The following PHLDB2 variants were observed in gnomAD, a reference collection of about 807,000 sequenced individuals.
PHLDB2 encodes the protein pleckstrin homology like domain family B member 2.
Under a neutral mutation model 123.6 loss-of-function variants are expected in PHLDB2, and 71 were observed. The ratio of observed to expected loss-of-function variants is 0.57; its 90% confidence interval spans 0.47 to 0.70. The LOEUF (loss-of-function observed/expected upper bound fraction) is 0.70, where lower values mean the gene tolerates loss of function less well. Ranked by LOEUF, PHLDB2 falls within the 30% of genes least tolerant of loss-of-function variation. The pLI, the probability that PHLDB2 is intolerant of heterozygous loss-of-function variation, is 0.00. For missense variants in PHLDB2, 1,446 were observed against 1,519.5 expected (o/e 0.95, Z 0.80); for synonymous variants, 547 against 541.6 (o/e 1.01, Z -0.14).
intron 2 of PHLDB2, among the ~76,000 whole-genome samples, chr3:111,889,624 C>T (rs574652011): frequency 1.1e-4 from 17 of 152,108 alleles, no homozygotes; most frequent in Non-Finnish European, 2.4e-4. Flanking sequence ...ATTGATTGAG[C>T]TCAGGAGATT....
intron 1 of PHLDB2, among the ~76,000 whole-genome samples, chr3:111,843,989 A>G (rs775740121): frequency 6.6e-6 from 1 of 152,174 alleles, no homozygotes; most frequent in Non-Finnish European, 1.5e-5. Flanking sequence ...AAAATCCTCT[A>G]ATTGTAACCT....
At chr3:111,970,071 A>G (rs988192477) in intron 16 of PHLDB2, among the ~76,000 whole-genome samples, 162 bp downstream of exon 16, 3 of 152,232 alleles carry the variant, frequency 2.0e-5, no homozygotes, top group African/African-American at 7.2e-5. Flanking sequence ...TAGATTATAT[A>G]GTCCATATGA....
chr3:111,958,615 A>G (rs902006450), intron 12 of PHLDB2: 2 of 432,410 alleles, frequency 4.6e-6, no homozygotes, highest in Non-Finnish European at 9.2e-6. Context: ...TTGTGTGGCT[A>G]TGATTAGAAA....
intron 6 of PHLDB2, among the ~76,000 whole-genome samples, chr3:111,936,439 A>C (rs2069496222): frequency 6.6e-6 from 1 of 152,178 alleles, no homozygotes; most frequent in South Asian, 2.1e-4. Flanking sequence ...TCATACATAA[A>C]ATCTTGTAAA....
At chr3:111,918,190 G>T (rs561000373) in intron 3 of PHLDB2, among the ~76,000 whole-genome samples, 1 of 152,296 alleles carries the variant, frequency 6.6e-6, no homozygotes, top group Non-Finnish European at 1.5e-5. Context: ...GTCACATTTT[G>T]ACTGTGTGTG....
chr3:111,786,684 A>G (rs1340367097), intron 1 of PHLDB2, among the ~76,000 whole-genome samples: 1 of 152,166 alleles, frequency 6.6e-6, no homozygotes, highest in East Asian at 1.9e-4. Context: ...CCCAATGATA[A>G]GCAGTAGAAT....
intron 5 of PHLDB2, among the ~76,000 whole-genome samples, chr3:111,922,108 AATAGT>A (rs2068549147): frequency 6.6e-6 from 1 of 152,260 alleles, no homozygotes; most frequent in Non-Finnish European, 1.5e-5. Flanking sequence ...TAAATTAAGT[AATAGT>A]AGAGTAGTTT....
intron 1 of PHLDB2, among the ~76,000 whole-genome samples, chr3:111,840,331 C>A (rs1191644893): frequency 1.3e-5 from 2 of 152,054 alleles, no homozygotes; most frequent in Non-Finnish European, 2.9e-5. Context: ...TACAATTAAT[C>A]TTCTTATATC....
rs146685731 is a variant in PHLDB2, at chr3:111,923,193, C to T, written c.2001+2774C>T. On this transcript the variant is annotated intron_variant, in intron 5 of 17. Coordinates refer to ENST00000431670, the MANE Select transcript of PHLDB2 (RefSeq NM_001134438.2). ...TTGGCTTAGACCTCTACTCCTCCAT[C>T]AGATTCTCTCCTGTTAAGACTACTA... Among the ~76,000 whole-genome samples, 400 of 152,314 alleles carry T rather than the reference C, an allele frequency of 2.6e-3. 2 individuals are homozygous for T. Among genetic ancestry groups the T allele is most frequent in the African/African-American group, 9.5e-3 (394 of 41,570 alleles).
At chr3:111,850,594 C>G (rs2064206369) in intron 2 of PHLDB2, among the ~76,000 whole-genome samples, 1 of 151,944 alleles carries the variant, frequency 6.6e-6, no homozygotes, top group African/African-American at 2.4e-5. Flanking sequence ...AGCAAGATCC[C>G]ATCTCTACAA....
chr3:111,884,724 G>T lies in PHLDB2; in HGVS notation c.647G>T (p.Ser216Ile). 2 of 1,614,090 alleles carry T rather than the reference G, an allele frequency of 1.2e-6. No homozygotes were observed. Among genetic ancestry groups the T allele is most frequent in the Non-Finnish European group, 1.7e-6 (2 of 1,180,020 alleles). ...KQARKMSIQD[S>I]LALQPKLTRH... ...GCCAGGAAAATGAGCATTCAGGACA[G>T]CCTGGCGCTTCAACCCAAGTTAACT... The change falls in exon 2 of 18, where the codon AGC becomes ATC. Residue 216 changes from serine to isoleucine, a missense_variant. Ser to Ile is a moderately radical substitution (Grantham distance 142, BLOSUM62 -2). Transcript: ENST00000431670.
intron 16 of PHLDB2, among the ~76,000 whole-genome samples, chr3:111,970,490 T>C (rs1396430332): frequency 1.3e-5 from 2 of 152,216 alleles, no homozygotes; most frequent in Admixed American, 6.5e-5. Flanking sequence ...TAAACTAGAA[T>C]GATCTTTTAA....
intron 2 of PHLDB2, among the ~76,000 whole-genome samples, chr3:111,898,374 G>T (rs1020077215): frequency 6.6e-6 from 1 of 152,082 alleles, no homozygotes; most frequent in East Asian, 1.9e-4. Context: ...GTAGAGACAC[G>T]GTTTCACCAT....
At chr3:111,965,251 C>G (rs889402111) in intron 13 of PHLDB2, among the ~76,000 whole-genome samples, 1 of 152,178 alleles carries the variant, frequency 6.6e-6, no homozygotes, top group Admixed American at 6.5e-5. Context: ...TGGGAGAAAA[C>G]ACCTGGCTAA....
At chr3:111,817,560 T>C (rs2062147517) in intron 1 of PHLDB2, among the ~76,000 whole-genome samples, 1 of 152,238 alleles carries the variant, frequency 6.6e-6, no homozygotes, top group South Asian at 2.1e-4. Flanking sequence ...TATTCTTTAC[T>C]TTTCAAATTA....
At chr3:111,859,868 A>G (rs2064725496) in intron 1 of PHLDB2, 1 of 985,788 alleles carries the variant, frequency 1.0e-6, no homozygotes, top group South Asian at 4.7e-5. Context: ...GTTTGGAGGA[A>G]AGATGAGACG....
intron 1 of PHLDB2, among the ~76,000 whole-genome samples, chr3:111,736,471 A>G (rs940620018): frequency 1.5e-4 from 23 of 152,216 alleles, no homozygotes; most frequent in Admixed American, 1.4e-3. Context: ...AAGGAACCTG[A>G]GACTCAATAC....
rs1343862323 is a variant in PHLDB2 at position 111,884,523 on chromosome 3, C to G, written c.446C>G (p.Ser149Cys). 2 of 1,614,036 alleles carry G rather than the reference C, an allele frequency of 1.2e-6. No homozygotes were observed. Among genetic ancestry groups the G allele is most frequent in the East Asian group, 4.5e-5 (2 of 44,886 alleles). Residue 149 changes from serine to cysteine, a missense_variant, in exon 2 of 18, where the codon TCC (serine) becomes TGC (cysteine). Physicochemically the swap from Ser to Cys is moderately radical, Grantham distance 112. This residue lies in a region of PHLDB2 where 832 missense variants were observed against 831.9 expected (regional missense o/e 1.00). Transcript: ENST00000431670. Reference protein sequence around the residue: ...ALRLSEKPPYSKYSSRHKSHD... With the variant: ...ALRLSEKPPYCKYSSRHKSHD... ...AGGCTCTCAGAGAAGCCTCCCTATT[C>G]CAAATATAGCTCAAGGCATAAATCG...
chr3:111,746,505 G>A (rs1383633942), intron 1 of PHLDB2, among the ~76,000 whole-genome samples: 4 of 152,194 alleles, frequency 2.6e-5, no homozygotes, highest in Non-Finnish European at 5.9e-5. Context: ...GCTCACACCT[G>A]TAATCCCAGT....
Sources: allele counts gnomAD v4.1 joint callset (sites outside exome capture counted in the v4.1 genomes callset), GRCh38; gene constraint gnomAD v4.1.1; regional missense constraint gnomAD v4.1.1; transcripts MANE v1.5; gene names NCBI Gene and HGNC (gene_info 2026-07-23, HGNC 2026-07-21).